Variants in ACOXL observed in about 807,000 individuals in gnomAD.
ACOXL encodes the protein acyl-coenzyme A oxidase-like protein.
In ACOXL, 70 loss-of-function variants were observed where a neutral mutation model predicts 71.9. The observed-to-expected ratio is 0.97, with a 90% confidence interval of 0.80 to 1.19. The LOEUF (loss-of-function observed/expected upper bound fraction) is 1.19. ACOXL is among the 50% of genes most tolerant of loss of function. The pLI is 0.00. For synonymous variants in ACOXL, 253 were observed against 281.6 expected (o/e 0.90, Z 1.02); for missense variants, 703 against 736.3 (o/e 0.95, Z 0.52).
rs1352623581 is a variant in ACOXL at position 110,772,489 on chromosome 2, G to A, written c.75+4025G>A. On this transcript the variant is annotated intron_variant, in intron 2 of 17. Coordinates refer to ENST00000439055, the MANE Select transcript of ACOXL (RefSeq NM_001142807.4). The stretch of plus-strand genomic sequence containing the variant: ...CTTGTGGGTGGCTCATAGGGAAACC[G>A]CATCTCAACATTACCTTTCCCCAGG... 3.3e-5 allele frequency among the ~76,000 whole-genome samples: 5 copies of A among 152,096 alleles called. No homozygotes were observed. The East Asian group carries it at 5.8e-4, about 18-fold the overall frequency.
intron 10 of ACOXL, among the ~76,000 whole-genome samples, chr2:110,879,383 A>G (rs546233766): frequency 6.6e-6 from 1 of 152,296 alleles, no homozygotes; most frequent in African/African-American, 2.4e-5. Flanking sequence ...TTGAAGGAAA[A>G]ATGATGTAGC....
chr2:110,815,234 C>A (rs766676875), intron 9 of ACOXL, among the ~76,000 whole-genome samples: 1 of 152,166 alleles, frequency 6.6e-6, no homozygotes, highest in African/African-American at 2.4e-5. Flanking sequence ...AAACTGCCCC[C>A]GTGATTCAAT....
chr2:110,767,003 G>C (rs557947782), intron 1 of ACOXL, among the ~76,000 whole-genome samples: 1 of 152,232 alleles, frequency 6.6e-6, no homozygotes, highest in Non-Finnish European at 1.5e-5. Context: ...CTTTTGCAGG[G>C]TTATGGGGTA....
At chr2:110,806,296 C>T (rs1686634333) in intron 9 of ACOXL, among the ~76,000 whole-genome samples, 2 of 152,220 alleles carry the variant, frequency 1.3e-5, no homozygotes, top group Non-Finnish European at 2.9e-5. Flanking sequence ...GGCCTGGCCT[C>T]GTGCCCGCCC....
chr2:110,870,893 T>G (rs1217743938), intron 10 of ACOXL, among the ~76,000 whole-genome samples: 2 of 152,050 alleles, frequency 1.3e-5, no homozygotes, highest in Non-Finnish European at 2.9e-5. Context: ...AGTTTTGGTT[T>G]GAATGAGGTC....
At chr2:111,013,603 T>G (rs2064280898) in intron 14 of ACOXL, among the ~76,000 whole-genome samples, 1 of 152,062 alleles carries the variant, frequency 6.6e-6, no homozygotes, top group African/African-American at 2.4e-5. Flanking sequence ...ATTCGCTTTT[T>G]TTCTTTTCTT....
At chr2:110,935,075 C>CG (rs1236758501) in intron 12 of ACOXL, among the ~76,000 whole-genome samples, 7 of 151,638 alleles carry the variant, frequency 4.6e-5, no homozygotes, top group South Asian at 2.1e-4. Context: ...CCCAGGGATT[C>CG]GGGGGTAGAG....
intron 10 of ACOXL, among the ~76,000 whole-genome samples, chr2:110,858,227 T>C (rs1268238981): frequency 6.6e-6 from 1 of 152,160 alleles, no homozygotes; most frequent in African/African-American, 2.4e-5. Flanking sequence ...AAAAAGGCAA[T>C]ATCCAGGAAA....
intron 10 of ACOXL, among the ~76,000 whole-genome samples, chr2:110,848,296 C>G (rs1043055726): frequency 5.3e-5 from 8 of 152,122 alleles, no homozygotes; most frequent in African/African-American, 1.4e-4. Context: ...TAGACTGTTC[C>G]ATCTGTCTCT....
chr2:110,910,759 T>A (rs755538036), intron 11 of ACOXL, among the ~76,000 whole-genome samples: 2 of 152,232 alleles, frequency 1.3e-5, no homozygotes, highest in Admixed American at 6.5e-5. Context: ...CTGTGAAAGA[T>A]CTATTTAAAT....
chr2:110,956,862 A>T (rs191473859), intron 12 of ACOXL, among the ~76,000 whole-genome samples: 8 of 152,210 alleles, frequency 5.3e-5, no homozygotes, highest in African/African-American at 1.9e-4. Context: ...AATATGTTTC[A>T]TGGGGCTGTC....
At position 110,926,388 on chromosome 2, in the gene ACOXL, A is replaced by G. The variant is rs2060271460; in HGVS notation, c.906-7101A>G. Among the ~76,000 whole-genome samples the G allele has an allele frequency of 2.6e-5, 4 of 152,124 alleles. No homozygotes were observed. The South Asian group carries it at 8.3e-4, about 32-fold the overall frequency. On this transcript the variant is annotated intron_variant, in intron 11 of 17. Coordinates refer to ENST00000439055, the MANE Select transcript of ACOXL (RefSeq NM_001142807.4). Reference sequence around the variant, plus strand: ...AGGGATTAAATGAATTAACACATGAAATGGGCTTGAGACAGGGCCCGGCAT... The same window carrying G: ...AGGGATTAAATGAATTAACACATGAGATGGGCTTGAGACAGGGCCCGGCAT...
At chr2:111,011,264 T>G (rs1336369117) in intron 14 of ACOXL, among the ~76,000 whole-genome samples, 2 of 152,118 alleles carry the variant, frequency 1.3e-5, no homozygotes, top group South Asian at 4.1e-4. Flanking sequence ...GACTATAGAT[T>G]GTAATATAGG....
intron 1 of ACOXL, among the ~76,000 whole-genome samples, chr2:110,749,859 GGGTCCCCT>G (rs1559213880): frequency 1.3e-5 from 2 of 152,180 alleles, no homozygotes; most frequent in African/African-American, 2.4e-5. Context: ...CACGTCCTCA[GGGTCCCCT>G]GGTCTGTGAC....
chr2:110,844,550 C>CTT (rs72290322), intron 10 of ACOXL, among the ~76,000 whole-genome samples: 60 of 133,540 alleles, frequency 4.5e-4, no homozygotes, highest in African/African-American at 1.6e-3. Flanking sequence ...CTTTTCTTTT[C>CTT]TTTTTTTTTT....
At chr2:111,095,900 G>C (rs865865795) in intron 17 of ACOXL, among the ~76,000 whole-genome samples, 2 of 152,348 alleles carry the variant, frequency 1.3e-5, no homozygotes, top group African/African-American at 4.8e-5. Flanking sequence ...CCAAAGGGGA[G>C]AGGATAGTAG....
chr2:110,761,733 T>G (rs965525290), intron 1 of ACOXL, among the ~76,000 whole-genome samples: 2 of 152,210 alleles, frequency 1.3e-5, no homozygotes, highest in African/African-American at 4.8e-5. Context: ...CCAGACCAAC[T>G]CTGGCCTGGC....
chr2:111,007,328 G>A (rs976667336), intron 14 of ACOXL, among the ~76,000 whole-genome samples: 7 of 152,142 alleles, frequency 4.6e-5, no homozygotes, highest in Admixed American at 4.6e-4. Context: ...AATTAATACT[G>A]TGGTGTTTGC....
intron 10 of ACOXL, among the ~76,000 whole-genome samples, chr2:110,875,910 G>A (rs1210815625): frequency 2.0e-5 from 3 of 152,146 alleles, no homozygotes; most frequent in Non-Finnish European, 2.9e-5. Flanking sequence ...TCAAGGACAT[G>A]CAGGAAAGAA....
Sources: gnomAD v4.1 joint callset for allele counts (sites outside exome capture counted in the v4.1 genomes callset) on GRCh38, gnomAD v4.1.1 for gene constraint, MANE v1.5 for transcripts, NCBI Gene and HGNC (gene_info 2026-07-23, HGNC 2026-07-21) for gene names.